CHL1: variants seen among roughly 807,000 people sequenced by gnomAD.
CHL1 encodes cell adhesion molecule L1 like.
Under a neutral mutation model 141.9 loss-of-function variants are expected in CHL1, and 96 were observed. The ratio of observed to expected loss-of-function variants is 0.68; its 90% CI spans 0.57 to 0.80. The LOEUF is 0.80. Ranked by LOEUF, CHL1 falls within the 30% of genes least tolerant of loss-of-function variation. CHL1 has a pLI of 0.00. For missense variants in CHL1, 1,820 were observed against 1,457.2 expected (o/e 1.25, Z -4.05); for synonymous variants, 613 against 502.2 (o/e 1.22, Z -2.95).
intron 1 of CHL1, chr3:213,462 A>T (rs1700058501): frequency 6.6e-6 from 1 of 152,306 alleles, no homozygotes; most frequent in Middle Eastern, 3.4e-3. Flanking sequence ...GATGAAATAG[A>T]TAGACTTTCT....
At chr3:327,464 C>T (rs931603944) in intron 4 of CHL1, among the ~76,000 whole-genome samples, 1 of 151,652 alleles carries the variant, frequency 6.6e-6, no homozygotes, top group African/African-American at 2.4e-5. Context: ...TTATCAAATA[C>T]TATAAAAAGT....
intron 1 of CHL1, among the ~76,000 whole-genome samples, chr3:219,542 C>T (rs1018691084): frequency 2.0e-4 from 31 of 152,154 alleles, no homozygotes; most frequent in African/African-American, 7.2e-4. Context: ...TTTGCATGGA[C>T]ATGGATGGAG....
At chr3:398,196 T>G (rs761813362) in intron 24 of CHL1, 31 bp from the exon 25 acceptor site, 61 of 1,449,306 alleles carry the variant, frequency 4.2e-5, no homozygotes, top group Non-Finnish European at 1.8e-5. Context: ...ATGATTACAA[T>G]TCACATGATT....
At chr3:249,696 A>C (rs960753725) in intron 2 of CHL1, among the ~76,000 whole-genome samples, 1 of 152,152 alleles carries the variant, frequency 6.6e-6, no homozygotes. Context: ...CAGGTAAATA[A>C]TTGTATATTT....
intron 4 of CHL1, among the ~76,000 whole-genome samples, chr3:326,784 T>A (rs904107077): frequency 1.3e-5 from 2 of 151,908 alleles, no homozygotes; most frequent in Non-Finnish European, 2.9e-5. Context: ...TTTATTATTC[T>A]GCATGATTAT....
At chr3:262,512 C>G (rs954767839) in intron 2 of CHL1, among the ~76,000 whole-genome samples, 1 of 130,110 alleles carries the variant, frequency 7.7e-6, no homozygotes, top group Non-Finnish European at 1.5e-5. Context: ...CACGTTTAAG[C>G]CTAGATCTAC....
At chr3:262,352 A>C (rs111319360) in intron 2 of CHL1, among the ~76,000 whole-genome samples, 7 of 32,590 alleles carry the variant, frequency 2.1e-4, no homozygotes, top group African/African-American at 1.6e-3. Flanking sequence ...CACAGTACTC[A>C]CAGGGCAGGA....
At chr3:256,483 G>T (rs1199197458) in intron 2 of CHL1, among the ~76,000 whole-genome samples, 1 of 152,164 alleles carries the variant, frequency 6.6e-6, no homozygotes, top group East Asian at 1.9e-4. Context: ...AACCAGGAGT[G>T]ATTTCGCCCT....
intron 1 of CHL1, among the ~76,000 whole-genome samples, chr3:239,724 C>T (rs1010033467): frequency 2.6e-5 from 4 of 151,784 alleles, no homozygotes; most frequent in South Asian, 4.2e-4. Flanking sequence ...ATACAATGAA[C>T]CCAATTTGTA....
intron 1 of CHL1, among the ~76,000 whole-genome samples, chr3:219,856 A>G (rs1047519208): frequency 6.6e-6 from 1 of 152,214 alleles, no homozygotes; most frequent in Non-Finnish European, 1.5e-5. Flanking sequence ...TTTAAAAAAG[A>G]GAACACATTT....
chr3:294,582 T>C (rs940037920), intron 2 of CHL1, among the ~76,000 whole-genome samples: 1 of 152,224 alleles, frequency 6.6e-6, no homozygotes, highest in Non-Finnish European at 1.5e-5. Flanking sequence ...TTTTTCCACA[T>C]TCACTATTGT....
rs926667402 is a variant in CHL1 at position 407,088 on chromosome 3, T to A, written c.*1377T>A. On this transcript the variant is annotated 3_prime_UTR_variant, in exon 28 of 28. Coordinates refer to ENST00000256509, the MANE Select transcript of CHL1 (RefSeq NM_006614.4). ...TTGTGCTCCAGTCCTTTTAAAATTGTACATGAACATGTTTTAGAAACAATA... is the reference window on the plus strand; with the variant it reads ...TTGTGCTCCAGTCCTTTTAAAATTGAACATGAACATGTTTTAGAAACAATA... The A allele has an allele frequency of 2.6e-5, 4 of 152,140 alleles. No homozygotes were observed. Among genetic ancestry groups the A allele is most frequent in the African/African-American group, 9.6e-5 (4 of 41,452 alleles). 9.4% of individuals were successfully genotyped at this position (152,140 alleles called of 1,614,324 possible).
intron 2 of CHL1, among the ~76,000 whole-genome samples, chr3:257,502 T>C (rs1208089577): frequency 1.3e-5 from 2 of 151,970 alleles, no homozygotes; most frequent in African/African-American, 4.8e-5. Context: ...TACAGGTGCC[T>C]GCCACCATGC....
At chr3:242,473 G>A (rs1407125832) in intron 1 of CHL1, among the ~76,000 whole-genome samples, 3 of 151,052 alleles carry the variant, frequency 2.0e-5, no homozygotes, top group Non-Finnish European at 4.4e-5. Context: ...GTGGGCGCCT[G>A]TAGTCCCAGC....
chr3:365,613 T>C lies in CHL1; in HGVS notation c.1586-337T>C, dbSNP rs149708778. ...CTTTCCCTTTTCCTTTACAGTGCTT[T>C]GATTATATATCCAGAAGCACTTGAA... On this transcript the variant is annotated intron_variant, in intron 14 of 27. Coordinates refer to ENST00000256509, the MANE Select transcript of CHL1 (RefSeq NM_006614.4). 3.7e-3 allele frequency among the ~76,000 whole-genome samples: 565 copies of C among 152,368 alleles called. 1 individual carries two copies. Among genetic ancestry groups the C allele is most frequent in the South Asian group, 6.0e-3 (29 of 4,832 alleles).
At chr3:324,800 G>A (rs1020511758) in intron 3 of CHL1, among the ~76,000 whole-genome samples, 1 of 151,722 alleles carries the variant, frequency 6.6e-6, no homozygotes, top group Non-Finnish European at 1.5e-5. Context: ...ATGTTACCCA[G>A]GTTGTTCTTG....
intron 2 of CHL1, among the ~76,000 whole-genome samples, 164 bp from the exon 3 acceptor site, chr3:319,519 G>C (rs1648311542): frequency 7.0e-6 from 1 of 143,108 alleles, no homozygotes; most frequent in Admixed American, 7.3e-5. Context: ...TACATACAAA[G>C]AGGAAAAACT....
Position 391,171 on chromosome 3 carries a change from A to T in CHL1, c.2791+12A>T. 6.3e-7 allele frequency: 1 copy of T among 1,589,392 alleles called. No individual in the cohort carries two copies. The highest frequency in any genetic ancestry group is 8.6e-7 in the Non-Finnish European group (1 of 1,157,900). On this transcript the variant is annotated intron_variant, in intron 22 of 27. Transcript: ENST00000256509. Reference sequence around the variant, plus strand: ...AACACCAGAAGGAGGTGAGAGGATAATGATGTAGAGTCATGTCAAAAATGG... The same window carrying T: ...AACACCAGAAGGAGGTGAGAGGATATTGATGTAGAGTCATGTCAAAAATGG...
chr3:271,053 A>T (rs1490069561), intron 2 of CHL1, among the ~76,000 whole-genome samples: 3 of 152,222 alleles, frequency 2.0e-5, no homozygotes, highest in Non-Finnish European at 2.9e-5. Context: ...CTCAATGGGA[A>T]GTTGTCAAAG....
Sources: gnomAD v4.1 joint callset for allele counts (sites outside exome capture counted in the v4.1 genomes callset) on GRCh38, gnomAD v4.1.1 for gene constraint, MANE v1.5 for transcripts, NCBI Gene and HGNC (gene_info 2026-07-23, HGNC 2026-07-21) for gene names.